Variants in IMMP2L observed in about 807,000 individuals in gnomAD.
The protein encoded by IMMP2L is mitochondrial inner membrane protease subunit 2.
Under a neutral mutation model 19.3 loss-of-function variants are expected in IMMP2L, and 18 were observed. The observed-to-expected ratio is 0.93, with a 90% CI of 0.64 to 1.38. The LOEUF is 1.38. IMMP2L is among the 40% of genes most tolerant of loss of function. The pLI, the probability that IMMP2L is intolerant of heterozygous loss-of-function variation, is 0.00. For synonymous variants in IMMP2L, 76 were observed against 73.0 expected, an observed-to-expected ratio of 1.04 and a Z score of -0.21; for missense variants, 233 against 218.2, an observed-to-expected ratio of 1.07 and a Z score of -0.43.
chr7:110,722,837 T>A (rs971023846), intron 5 of IMMP2L, among the ~76,000 whole-genome samples: 6 of 151,988 alleles, frequency 3.9e-5, no homozygotes, highest in African/African-American at 1.4e-4. Flanking sequence ...GGGGTAGGGG[T>A]GTGAAGCAGA....
intron 3 of IMMP2L, among the ~76,000 whole-genome samples, chr7:111,155,471 C>T (rs975250209): frequency 3.3e-5 from 5 of 152,038 alleles, no homozygotes; most frequent in African/African-American, 7.2e-5. Flanking sequence ...TAAATTGGAA[C>T]ATTAGAATAG....
chr7:111,310,358 C>A (rs1237136529), intron 3 of IMMP2L, among the ~76,000 whole-genome samples: 2 of 151,484 alleles, frequency 1.3e-5, no homozygotes, highest in Non-Finnish European at 2.9e-5. Context: ...GTATTAAGAA[C>A]CTCTCATTTT....
chr7:110,911,083 T>C (rs1813010767), intron 4 of IMMP2L, among the ~76,000 whole-genome samples: 2 of 152,172 alleles, frequency 1.3e-5, no homozygotes, highest in African/African-American at 2.4e-5. Flanking sequence ...TGTATGTATA[T>C]AAATGTGTAT....
intron 5 of IMMP2L, among the ~76,000 whole-genome samples, chr7:110,873,420 A>G (rs1277235527): frequency 8.8e-6 from 1 of 113,860 alleles, no homozygotes; most frequent in Non-Finnish European, 1.7e-5. Context: ...ACAGAGCAAG[A>G]CTCTATCTCA....
chr7:110,961,491 T>G (rs1201821221), intron 4 of IMMP2L, among the ~76,000 whole-genome samples: 2 of 151,588 alleles, frequency 1.3e-5, no homozygotes, highest in African/African-American at 4.8e-5. Context: ...CTCTGAATAT[T>G]TTCCACCTTC....
At chr7:111,503,497 G>A (rs1278924418) in intron 2 of IMMP2L, among the ~76,000 whole-genome samples, 1 of 152,096 alleles carries the variant, frequency 6.6e-6, no homozygotes, top group Non-Finnish European at 1.5e-5. Flanking sequence ...TGATACCAAA[G>A]CCTGGCAGAG....
intron 3 of IMMP2L, among the ~76,000 whole-genome samples, chr7:111,363,789 C>T (rs926505285): frequency 2.6e-5 from 4 of 152,014 alleles, no homozygotes; most frequent in Non-Finnish European, 4.4e-5. Flanking sequence ...CCCTATTGAC[C>T]TCTCTAGCCT....
intron 3 of IMMP2L, among the ~76,000 whole-genome samples, chr7:111,106,160 G>A (rs1798527364): frequency 6.6e-6 from 1 of 151,904 alleles, no homozygotes; most frequent in Non-Finnish European, 1.5e-5. Context: ...GCACCTACAT[G>A]CTAAATAAAA....
intron 3 of IMMP2L, among the ~76,000 whole-genome samples, chr7:111,016,697 AT>A (rs1247832368): frequency 2.9e-5 from 3 of 102,250 alleles, no homozygotes; most frequent in African/African-American, 4.1e-5. Context: ...ATATTTCTAT[AT>A]TATATATAAT....
chr7:111,203,646 T>C (rs1810396812), intron 3 of IMMP2L, among the ~76,000 whole-genome samples: 1 of 151,462 alleles, frequency 6.6e-6, no homozygotes, highest in Admixed American at 6.6e-5. Flanking sequence ...CTACTTGTTC[T>C]GCTTCTATCA....
intron 5 of IMMP2L, among the ~76,000 whole-genome samples, chr7:110,742,898 C>A (rs1202911358): frequency 1.3e-5 from 2 of 152,142 alleles, no homozygotes; most frequent in Admixed American, 6.6e-5. Flanking sequence ...TTCTCTCCCC[C>A]TCTTTCACAC....
At chr7:110,847,464 A>G (rs559893510) in intron 5 of IMMP2L, among the ~76,000 whole-genome samples, 1 of 152,324 alleles carries the variant, frequency 6.6e-6, no homozygotes, top group Non-Finnish European at 1.5e-5. Flanking sequence ...GTGAAAAGTA[A>G]AATAGCATTA....
rs770049787 is a variant in IMMP2L at position 110,973,966 on chromosome 7, C to T, written c.240-10401G>A. On this transcript the variant is annotated intron_variant, in intron 3 of 5. Transcript: ENST00000405709. ...CCAAACCGTCATCTTCATGTGTGGA[C>T]GAAATTTGCATGGGTCCTGATAGCT... Among the ~76,000 whole-genome samples the T allele has an allele frequency of 6.6e-5, 10 of 152,010 alleles. No homozygotes were observed. In the South Asian group the frequency reaches 8.3e-4, roughly 13 times the overall value.
At chr7:110,823,163 A>G (rs1803187384) in intron 5 of IMMP2L, among the ~76,000 whole-genome samples, 1 of 152,122 alleles carries the variant, frequency 6.6e-6, no homozygotes. Context: ...TAAAAGAAAT[A>G]AAGAATAATA....
chr7:111,446,825 T>C (rs1838510804), intron 3 of IMMP2L, among the ~76,000 whole-genome samples: 2 of 151,434 alleles, frequency 1.3e-5, no homozygotes, highest in African/African-American at 4.9e-5. Flanking sequence ...TTTAGAAGAA[T>C]GTATAACTAG....
At chr7:111,320,777 C>T (rs1291824709) in intron 3 of IMMP2L, among the ~76,000 whole-genome samples, 1 of 152,058 alleles carries the variant, frequency 6.6e-6, no homozygotes, top group Admixed American at 6.6e-5. Context: ...TCTCCAGTTT[C>T]TCCAGGTGAC....
At chr7:110,822,358 A>C (rs1163160802) in intron 5 of IMMP2L, among the ~76,000 whole-genome samples, 1 of 152,108 alleles carries the variant, frequency 6.6e-6, no homozygotes, top group Non-Finnish European at 1.5e-5. Flanking sequence ...ACAACCATTA[A>C]TTCACCATCT....
chr7:111,102,681 T>C (rs2129580474), intron 3 of IMMP2L, among the ~76,000 whole-genome samples: 1 of 151,686 alleles, frequency 6.6e-6, no homozygotes, highest in East Asian at 1.9e-4. Context: ...GTTTGAAGTT[T>C]CATACCTATC....
At chr7:111,339,240 T>G (rs904712714) in intron 3 of IMMP2L, among the ~76,000 whole-genome samples, 7 of 151,652 alleles carry the variant, frequency 4.6e-5, no homozygotes, top group African/African-American at 1.7e-4. Flanking sequence ...GCTTAGAACA[T>G]CAAATTCAAT....
Sources: allele counts gnomAD v4.1 joint callset (sites outside exome capture counted in the v4.1 genomes callset), GRCh38; gene constraint gnomAD v4.1.1; transcripts MANE v1.5; gene names NCBI Gene and HGNC (gene_info 2026-07-23, HGNC 2026-07-21).